Variants in NEGR1 observed in about 807,000 individuals in gnomAD.
NEGR1 encodes neuronal growth regulator 1, also known as IgLON family member 4.
A neutral mutation model predicts 40.9 loss-of-function variants in NEGR1; 10 were observed. The observed-to-expected ratio is 0.24, with a 90% CI of 0.15 to 0.42. NEGR1 has a LOEUF of 0.42. NEGR1 is among the 10% of genes least tolerant of loss of function. The pLI, the probability that NEGR1 is intolerant of heterozygous loss-of-function variation, is 1.00. For missense variants in NEGR1, 352 were observed against 438.9 expected (o/e 0.80, Z 1.77); for synonymous variants, 185 against 166.8 (o/e 1.11, Z -0.84).
intron 1 of NEGR1, among the ~76,000 whole-genome samples, chr1:72,242,857 C>G (rs1035987718): frequency 2.0e-5 from 3 of 151,460 alleles, no homozygotes; most frequent in African/African-American, 7.3e-5. Context: ...ATTGTTGAGT[C>G]GGCCCTGCAC....
At chr1:72,258,933 T>A (rs956956357) in intron 1 of NEGR1, among the ~76,000 whole-genome samples, 2 of 152,142 alleles carry the variant, frequency 1.3e-5, no homozygotes, top group African/African-American at 4.8e-5. Flanking sequence ...ATTCTCCACA[T>A]ACCTTCATTA....
chr1:71,699,548 T>C (rs1653610100), intron 3 of NEGR1, among the ~76,000 whole-genome samples: 1 of 151,838 alleles, frequency 6.6e-6, no homozygotes, highest in South Asian at 2.1e-4. Context: ...TACTGAAATA[T>C]ATATTAAAAA....
chr1:72,256,955 A>C (rs1655289922), intron 1 of NEGR1, among the ~76,000 whole-genome samples: 1 of 152,222 alleles, frequency 6.6e-6, no homozygotes, highest in African/African-American at 2.4e-5. Flanking sequence ...AAGTAACACA[A>C]ACACTCATTT....
chr1:71,617,799 A>G (rs897474901), intron 4 of NEGR1, among the ~76,000 whole-genome samples: 8 of 152,180 alleles, frequency 5.3e-5, no homozygotes, highest in Non-Finnish European at 1.0e-4. Flanking sequence ...CAGAGCACAC[A>G]TGTTTTCTCT....
At chr1:71,862,216 G>A (rs907539856) in intron 2 of NEGR1, among the ~76,000 whole-genome samples, 8 of 151,896 alleles carry the variant, frequency 5.3e-5, no homozygotes, top group African/African-American at 1.4e-4. Context: ...ATTAGAAGAC[G>A]AAATTTGAAC....
chr1:72,282,032 T>C (rs1656273578), intron 1 of NEGR1, among the ~76,000 whole-genome samples: 1 of 152,108 alleles, frequency 6.6e-6, no homozygotes, highest in South Asian at 2.1e-4. Flanking sequence ...GCATTGAGTT[T>C]CAAAGTGGCA....
At chr1:72,232,489 C>A (rs1654399139) in intron 1 of NEGR1, among the ~76,000 whole-genome samples, 1 of 152,026 alleles carries the variant, frequency 6.6e-6, no homozygotes, top group Non-Finnish European at 1.5e-5. Context: ...AGAAAAATAT[C>A]CTCAGGTAGC....
intron 1 of NEGR1, among the ~76,000 whole-genome samples, chr1:72,007,217 C>T (rs1419087291): frequency 6.6e-6 from 1 of 151,998 alleles, no homozygotes; most frequent in Admixed American, 6.6e-5. Context: ...TGTCCTTGGC[C>T]ATATTAATAA....
At chr1:71,928,972 G>C (rs1181866537) in intron 2 of NEGR1, among the ~76,000 whole-genome samples, 3 of 151,962 alleles carry the variant, frequency 2.0e-5, no homozygotes, top group Non-Finnish European at 4.4e-5. Flanking sequence ...GAAATCCCCT[G>C]CAAAGGGAAT....
chr1:72,199,001 AAAC>A (rs1254292201), intron 1 of NEGR1, among the ~76,000 whole-genome samples: 2 of 151,962 alleles, frequency 1.3e-5, no homozygotes, highest in Non-Finnish European at 2.9e-5. Flanking sequence ...AAAATTATGA[AAAC>A]AACGTTGGTG....
intron 6 of NEGR1, among the ~76,000 whole-genome samples, chr1:71,444,613 A>G (rs1646568717): frequency 6.6e-6 from 1 of 152,172 alleles, no homozygotes. Context: ...TTATTTATTT[A>G]CATATTTTCT....
chr1:71,726,755 G>A (rs1222794372), intron 3 of NEGR1, among the ~76,000 whole-genome samples: 1 of 152,044 alleles, frequency 6.6e-6, no homozygotes, highest in Non-Finnish European at 1.5e-5. Context: ...CCAAAGGAAT[G>A]AGGTAATAGG....
At position 71,759,639 on chromosome 1, in the gene NEGR1, C is replaced by T. The variant is rs1316127231; in HGVS notation, c.535+16533G>A. ...TTTTTTTTTTTTTTGAGACGGAGTC[C>T]CACTCTGTCGCCCAGGCTGGAGTGC... On this transcript the variant is annotated intron_variant, in intron 3 of 6. Transcript: ENST00000357731. Among the ~76,000 whole-genome samples, 124 of 77,260 alleles carry T rather than the reference C, an allele frequency of 1.6e-3. No homozygotes were observed. In the Middle Eastern group the frequency reaches 0.05, roughly 31 times the overall value. The allele number at this position is 77,260 out of a possible 152,430, so 50.7% of individuals were successfully genotyped here.
At chr1:72,054,820 T>C (rs1171189468) in intron 1 of NEGR1, among the ~76,000 whole-genome samples, 1 of 151,114 alleles carries the variant, frequency 6.6e-6, no homozygotes, top group East Asian at 1.9e-4. Context: ...AATAAATATA[T>C]CTATTTCTTT....
chr1:72,231,903 T>C (rs958349312), intron 1 of NEGR1, among the ~76,000 whole-genome samples: 8 of 152,074 alleles, frequency 5.3e-5, no homozygotes, highest in Non-Finnish European at 8.8e-5. Flanking sequence ...CTTCAGAAAA[T>C]TCGCCAATAT....
At chr1:71,604,572 T>G (rs1392201468) in intron 5 of NEGR1, among the ~76,000 whole-genome samples, 3 of 152,134 alleles carry the variant, frequency 2.0e-5, no homozygotes, top group Non-Finnish European at 4.4e-5. Flanking sequence ...ATTTCTCAAG[T>G]TCATGTTACC....
Position 71,596,434 on chromosome 1 carries a change from C to G in NEGR1, c.789-3466G>C, listed in dbSNP as rs534583289. ...GAATTAGAATAGTCCCCTATATTTT[C>G]TAGTGTCAGTCAGAAGTAGCACATG... On this transcript the variant is annotated intron_variant, in intron 5 of 6. Transcript: ENST00000357731. 7.9e-5 allele frequency among the ~76,000 whole-genome samples: 12 copies of G among 152,314 alleles called. No homozygotes were observed. The East Asian group carries it at 2.3e-3, about 29-fold the overall frequency.
chr1:72,078,156 A>C (rs2100522502), intron 1 of NEGR1, among the ~76,000 whole-genome samples: 1 of 152,274 alleles, frequency 6.6e-6, no homozygotes. Flanking sequence ...CTAATTTATT[A>C]CTCCCTAAAT....
intron 1 of NEGR1, among the ~76,000 whole-genome samples, chr1:72,240,264 C>T (rs1654688989): frequency 6.6e-6 from 1 of 151,698 alleles, no homozygotes; most frequent in Admixed American, 6.6e-5. Flanking sequence ...GCAGACCATC[C>T]ACATCAATTT....
Sources: gnomAD v4.1 joint callset for allele counts (sites outside exome capture counted in the v4.1 genomes callset) on GRCh38, gnomAD v4.1.1 for gene constraint, MANE v1.5 for transcripts, NCBI Gene and HGNC (gene_info 2026-07-23, HGNC 2026-07-21) for gene names.